GALNTL6: variants seen among roughly 807,000 people sequenced by gnomAD.
GALNTL6 encodes the protein polypeptide N-acetylgalactosaminyltransferase like 6.
Under a neutral mutation model 73.7 loss-of-function variants are expected in GALNTL6, and 46 were observed. The observed-to-expected ratio is 0.62, with a 90% CI of 0.49 to 0.80. GALNTL6 has a LOEUF of 0.80. GALNTL6 is among the 30% of genes least tolerant of loss of function. GALNTL6 has a pLI of 0.00. For missense variants in GALNTL6, 604 were observed against 755.0 expected, an observed-to-expected ratio of 0.80 and a Z score of 2.34; for synonymous variants, 259 against 263.7, an observed-to-expected ratio of 0.98 and a Z score of 0.17.
intron 5 of GALNTL6, among the ~76,000 whole-genome samples, chr4:172,622,936 A>C (rs1197512156): frequency 6.6e-6 from 1 of 152,156 alleles, no homozygotes; most frequent in Non-Finnish European, 1.5e-5. Context: ...ATACCAAAAA[A>C]ATTTGTGTTT....
chr4:172,952,522 TTTG>T (rs1431929757), intron 10 of GALNTL6, among the ~76,000 whole-genome samples: 2 of 151,868 alleles, frequency 1.3e-5, no homozygotes, highest in African/African-American at 4.8e-5. Flanking sequence ...TGTTTTTGTT[TTTG>T]TTTTTTTTGA....
intron 8 of GALNTL6, among the ~76,000 whole-genome samples, chr4:172,906,651 G>A (rs1057435620): frequency 2.0e-5 from 3 of 152,198 alleles, no homozygotes; most frequent in Non-Finnish European, 4.4e-5. Context: ...TTTCTTCATG[G>A]TTGTGGGACT....
rs188649932 is a variant in GALNTL6, at chr4:172,430,894, T to C, written c.553+82205T>C. 1.3e-4 allele frequency among the ~76,000 whole-genome samples: 20 copies of C among 152,314 alleles called. No individual in the cohort carries two copies. In the East Asian group the frequency reaches 3.5e-3, roughly 26 times the overall value. ...TAGGATTATTAAAATAGCCCTTTGT[T>C]ATTCCAATTCACCTCATTAATCATA... On this transcript the variant is annotated intron_variant, in intron 5 of 12. Coordinates refer to ENST00000506823, the MANE Select transcript of GALNTL6 (RefSeq NM_001034845.3).
chr4:172,822,475 G>T (rs1217291529), intron 7 of GALNTL6, among the ~76,000 whole-genome samples: 1 of 152,186 alleles, frequency 6.6e-6, no homozygotes, highest in African/African-American at 2.4e-5. Context: ...ACTCCAGAAT[G>T]CACTGCTCTT....
intron 2 of GALNTL6, among the ~76,000 whole-genome samples, chr4:171,893,999 C>T (rs1326913287): frequency 8.3e-6 from 1 of 120,766 alleles, no homozygotes; most frequent in Non-Finnish European, 1.6e-5. Context: ...TGAAACTAAA[C>T]CAGAACACAT....
intron 3 of GALNTL6, among the ~76,000 whole-genome samples, chr4:172,241,756 G>T (rs1039078233): frequency 1.3e-5 from 2 of 152,092 alleles, no homozygotes; most frequent in East Asian, 1.9e-4. Context: ...AGCCACTAAC[G>T]TAGTCATATT....
chr4:172,307,842 C>T (rs113787602), intron 3 of GALNTL6, among the ~76,000 whole-genome samples: 1 of 151,380 alleles, frequency 6.6e-6, no homozygotes, highest in Non-Finnish European at 1.5e-5. Context: ...TATGTGGGAT[C>T]TTTTTTAGTT....
intron 2 of GALNTL6, among the ~76,000 whole-genome samples, chr4:171,849,585 T>C (rs1287890941): frequency 6.6e-6 from 1 of 152,216 alleles, no homozygotes; most frequent in Non-Finnish European, 1.5e-5. Flanking sequence ...ATAAATATGA[T>C]AAAATATGAT....
intron 5 of GALNTL6, among the ~76,000 whole-genome samples, chr4:172,721,493 T>TA (rs1486808460): frequency 6.6e-6 from 1 of 152,214 alleles, no homozygotes; most frequent in African/African-American, 2.4e-5. Flanking sequence ...TTTCAAGTTT[T>TA]AAAAAACATA....
chr4:172,087,447 A>C (rs1302442910), intron 2 of GALNTL6, among the ~76,000 whole-genome samples: 4 of 145,208 alleles, frequency 2.8e-5, no homozygotes, highest in Non-Finnish European at 4.4e-5. Flanking sequence ...TCCATCCCAA[A>C]AAAAAAAAAA....
At chr4:171,868,879 C>T (rs1179844082) in intron 2 of GALNTL6, among the ~76,000 whole-genome samples, 1 of 152,136 alleles carries the variant, frequency 6.6e-6, no homozygotes, top group Non-Finnish European at 1.5e-5. Context: ...CAGGGTTTCA[C>T]CATGTTGGCC....
At chr4:172,840,364 T>C (rs1338098140) in intron 7 of GALNTL6, among the ~76,000 whole-genome samples, 1 of 152,206 alleles carries the variant, frequency 6.6e-6, no homozygotes, top group African/African-American at 2.4e-5. Flanking sequence ...GCCCTTATTC[T>C]CAGTCTCAAG....
chr4:172,416,041 G>T (rs1269490667), intron 5 of GALNTL6, among the ~76,000 whole-genome samples: 1 of 152,024 alleles, frequency 6.6e-6, no homozygotes, highest in Non-Finnish European at 1.5e-5. Flanking sequence ...ATGAGGGGTG[G>T]TCTCCTCCCT....
intron 2 of GALNTL6, among the ~76,000 whole-genome samples, chr4:171,986,502 A>G (rs567397460): frequency 6.6e-6 from 1 of 152,190 alleles, no homozygotes; most frequent in African/African-American, 2.4e-5. Context: ...AAATAAAATG[A>G]AATAGTGGTA....
chr4:172,717,879 G>A (rs986010660), intron 5 of GALNTL6, among the ~76,000 whole-genome samples: 1 of 152,186 alleles, frequency 6.6e-6, no homozygotes, highest in African/African-American at 2.4e-5. Flanking sequence ...TCCTTTCAGA[G>A]ATTAAGGGTG....
intron 5 of GALNTL6, among the ~76,000 whole-genome samples, chr4:172,584,762 T>C (rs1213549867): frequency 1.3e-5 from 2 of 152,186 alleles, no homozygotes; most frequent in African/African-American, 4.8e-5. Context: ...GCTGGATATA[T>C]GTGGTGGTAG....
chr4:171,933,227 AT>A (rs1738241241), intron 2 of GALNTL6, among the ~76,000 whole-genome samples: 1 of 152,140 alleles, frequency 6.6e-6, no homozygotes, highest in Non-Finnish European at 1.5e-5. Context: ...CACTTGTTTG[AT>A]TTTAAATCAG....
At chr4:172,774,359 G>A (rs1193898155) in intron 5 of GALNTL6, among the ~76,000 whole-genome samples, 1 of 152,056 alleles carries the variant, frequency 6.6e-6, no homozygotes, top group East Asian at 1.9e-4. Context: ...TTGATTGGGG[G>A]GTGCAAAAAT....
At chr4:171,862,270 A>G (rs889645656) in intron 2 of GALNTL6, among the ~76,000 whole-genome samples, 8 of 152,136 alleles carry the variant, frequency 5.3e-5, no homozygotes, top group African/African-American at 1.7e-4. Flanking sequence ...GAAGAAGATA[A>G]TATGAATGAA....
Sources: allele counts gnomAD v4.1 joint callset (sites outside exome capture counted in the v4.1 genomes callset), GRCh38; gene constraint gnomAD v4.1.1; transcripts MANE v1.5; gene names NCBI Gene and HGNC (gene_info 2026-07-23, HGNC 2026-07-21).